HCN1: variants seen among roughly 807,000 people sequenced by gnomAD.
The protein encoded by HCN1 is hyperpolarization activated cyclic nucleotide gated potassium channel 1, also known as potassium/sodium hyperpolarization-activated cyclic nucleotide-gated channel 1.
A neutral mutation model predicts 78.9 loss-of-function variants in HCN1; 13 were observed. The observed-to-expected ratio is 0.16, with a 90% CI of 0.11 to 0.26. The LOEUF is 0.26. HCN1 is among the 10% of genes least tolerant of loss of function. HCN1 has a pLI of 1.00. For synonymous variants in HCN1, 552 were observed against 455.5 expected, an observed-to-expected ratio of 1.21 and a Z score of -2.70; for missense variants, 810 against 1,154.3, an observed-to-expected ratio of 0.70 and a Z score of 4.32.
At position 45,695,913 on chromosome 5, in the gene HCN1, C is replaced by G. The variant is rs900254081; in HGVS notation, c.181G>C (p.Val61Leu). 28 of 1,504,774 alleles carry G rather than the reference C, an allele frequency of 1.9e-5. 1 individual carries two copies. In the Admixed American group the frequency reaches 5.2e-4, roughly 28 times the overall value. The allele number at this position is 1,504,774 out of a possible 1,614,324, so 93.2% of individuals were successfully genotyped here. A position where few individuals can be genotyped will look rare whatever the true frequency, so the allele number is the denominator to read the frequency against. The change falls in exon 1 of 8, where the codon GTG becomes CTG. Residue 61 changes from valine (V) to leucine (L), a missense_variant. Physicochemically the swap from Val to Leu is conservative, Grantham distance 32 (BLOSUM62 1). This residue lies in a region of HCN1 where 170 missense variants were observed against 166.8 expected (regional missense o/e 1.02). Transcript: ENST00000303230. ...CCGCCACCGCCGCCACCGCCGTCCA[C>G]CTTGAAGCACACGGAGTTGCCGTGC... ...KEHGNSVCFK[V>L]DGGGGGGGGG... is the part of the protein sequence containing the mutation.
intron 5 of HCN1, among the ~76,000 whole-genome samples, chr5:45,307,143 C>A (rs897333395): frequency 3.9e-5 from 6 of 151,914 alleles, no homozygotes; most frequent in African/African-American, 1.2e-4. Context: ...TGAGTAACAA[C>A]AATAAAAAGT....
chr5:45,667,284 A>G (rs1176197423), intron 1 of HCN1, among the ~76,000 whole-genome samples: 1 of 152,028 alleles, frequency 6.6e-6, no homozygotes, highest in Non-Finnish European at 1.5e-5. Context: ...CTCTCTCCAG[A>G]GACCCATGCT....
At chr5:45,490,050 G>C (rs774822792) in intron 2 of HCN1, among the ~76,000 whole-genome samples, 8 of 152,168 alleles carry the variant, frequency 5.3e-5, no homozygotes, top group Non-Finnish European at 8.8e-5. Context: ...TTTTGGATAA[G>C]ACATTGCTGG....
chr5:45,601,239 G>C (rs1033133537), intron 2 of HCN1, among the ~76,000 whole-genome samples: 8 of 151,992 alleles, frequency 5.3e-5, no homozygotes, highest in Admixed American at 5.3e-4. Flanking sequence ...TTCTTTTATG[G>C]TTTGGAACAA....
At chr5:45,663,011 C>G (rs1745952363) in intron 1 of HCN1, among the ~76,000 whole-genome samples, 1 of 138,452 alleles carries the variant, frequency 7.2e-6, no homozygotes, top group Admixed American at 7.5e-5. Flanking sequence ...CAATCCTAAG[C>G]CAAAAGAACA....
intron 2 of HCN1, among the ~76,000 whole-genome samples, chr5:45,622,686 A>G (rs917087207): frequency 6.6e-6 from 1 of 152,174 alleles, no homozygotes; most frequent in Admixed American, 6.6e-5. Context: ...CATCAACATG[A>G]AAGAAAAAGA....
chr5:45,548,676 T>C (rs1743285229), intron 2 of HCN1, among the ~76,000 whole-genome samples: 1 of 152,048 alleles, frequency 6.6e-6, no homozygotes, highest in African/African-American at 2.4e-5. Context: ...AAATAAAGGG[T>C]ATTCAACTAG....
At chr5:45,287,880 T>C (rs1207770450) in intron 6 of HCN1, among the ~76,000 whole-genome samples, 3 of 152,122 alleles carry the variant, frequency 2.0e-5, no homozygotes, top group African/African-American at 7.2e-5. Context: ...TGCTTTATAC[T>C]ACACTGGCCC....
Position 45,259,349 on chromosome 5 carries a change from C to T in HCN1, c.*2572G>A. On this transcript the variant is annotated 3_prime_UTR_variant, in exon 8 of 8. Coordinates refer to ENST00000303230, the MANE Select transcript of HCN1 (RefSeq NM_021072.4). ...AGAAATACTCTAACTCATCCCTGATCATACAGTTGTTGTAAGAATCAGCTA... is the reference window on the plus strand; with the variant it reads ...AGAAATACTCTAACTCATCCCTGATTATACAGTTGTTGTAAGAATCAGCTA... 6.6e-6 allele frequency: 1 copy of T among 152,320 alleles called. No homozygotes were observed. The highest frequency in any genetic ancestry group is 3.2e-3 in the Middle Eastern group (1 of 314). The allele number at this position is 152,320 out of a possible 1,614,324, so 9.4% of individuals were successfully genotyped here. A position where few individuals can be genotyped will look rare whatever the true frequency, so the allele number is the denominator to read the frequency against.
intron 2 of HCN1, among the ~76,000 whole-genome samples, chr5:45,554,494 T>C (rs1436150097): frequency 6.6e-6 from 1 of 151,700 alleles, no homozygotes; most frequent in Non-Finnish European, 1.5e-5. Context: ...TCAGGCTTGA[T>C]CTGAGAGAAA....
In HCN1 at chr5:45,303,586, CT is replaced by C. The variant is rs1218838970; in HGVS notation, c.1618+12del. 1 of 1,612,866 alleles carries C rather than the reference CT, an allele frequency of 6.2e-7. No homozygotes were observed. Among genetic ancestry groups the C allele is most frequent in the Admixed American group, 1.7e-5 (1 of 59,878 alleles). Reference sequence around the variant, plus strand: ...AGTTTAGATTTCATCTTAGTTGCATCTTTTTTACTAACCTCCAAAGTAAGAG... The same window carrying C: ...AGTTTAGATTTCATCTTAGTTGCATCTTTTTACTAACCTCCAAAGTAAGAG... On this transcript the variant is annotated intron_variant, in intron 6 of 7. Transcript: ENST00000303230.
chr5:45,523,160 C>T (rs1742650209), intron 2 of HCN1, among the ~76,000 whole-genome samples: 1 of 152,118 alleles, frequency 6.6e-6, no homozygotes, highest in African/African-American at 2.4e-5. Flanking sequence ...TTTCCAATTT[C>T]ATCCATGTTC....
intron 2 of HCN1, among the ~76,000 whole-genome samples, chr5:45,555,689 T>A (rs1466434989): frequency 6.7e-6 from 1 of 150,340 alleles, no homozygotes; most frequent in Non-Finnish European, 1.5e-5. Flanking sequence ...GGTACTAGCA[T>A]AAAAGCAGAG....
At chr5:45,540,587 C>T (rs1231130201) in intron 2 of HCN1, among the ~76,000 whole-genome samples, 1 of 152,068 alleles carries the variant, frequency 6.6e-6, no homozygotes, top group African/African-American at 2.4e-5. Context: ...GCCTTGGCCA[C>T]CTAAGGTGCT....
intron 1 of HCN1, among the ~76,000 whole-genome samples, chr5:45,679,512 T>G (rs1053272225): frequency 2.0e-5 from 3 of 152,012 alleles, no homozygotes; most frequent in African/African-American, 4.8e-5. Context: ...CTACTTATTT[T>G]GGGTATTTAA....
chr5:45,581,396 G>C (rs1340387226), intron 2 of HCN1, among the ~76,000 whole-genome samples: 1 of 152,224 alleles, frequency 6.6e-6, no homozygotes, highest in South Asian at 2.1e-4. Flanking sequence ...ATTTCTTTGA[G>C]TTCTTTGTAG....
intron 4 of HCN1, among the ~76,000 whole-genome samples, chr5:45,373,832 C>G (rs1457721837): frequency 8.0e-6 from 1 of 124,388 alleles, no homozygotes; most frequent in Non-Finnish European, 1.6e-5. Flanking sequence ...TATACGTCAT[C>G]TATAATATAT....
intron 1 of HCN1, among the ~76,000 whole-genome samples, chr5:45,658,151 T>G (rs1443308519): frequency 1.3e-5 from 2 of 152,156 alleles, no homozygotes; most frequent in Admixed American, 6.5e-5. Flanking sequence ...GATTCCTTAT[T>G]TAATAAATGG....
chr5:45,316,684 T>C (rs1746000990), intron 5 of HCN1, among the ~76,000 whole-genome samples: 1 of 152,158 alleles, frequency 6.6e-6, no homozygotes, highest in Non-Finnish European at 1.5e-5. Context: ...CAGCCCAAAA[T>C]CTTCTTAAGC....
Sources: allele counts gnomAD v4.1 joint callset (sites outside exome capture counted in the v4.1 genomes callset), GRCh38; gene constraint gnomAD v4.1.1; regional missense constraint gnomAD v4.1.1; transcripts MANE v1.5; gene names NCBI Gene and HGNC (gene_info 2026-07-23, HGNC 2026-07-21).